RSU1: variants seen among roughly 807,000 people sequenced by gnomAD.
The protein encoded by RSU1 is Ras suppressor protein 1, also known as rsu-1.
In RSU1, 26 loss-of-function variants were observed where a neutral mutation model predicts 31.1. That is an observed-to-expected ratio of 0.84 (90% CI 0.61 to 1.16). The LOEUF (loss-of-function observed/expected upper bound fraction) is 1.16. Among genes scored for constraint, RSU1 ranks in the 50% most tolerant of loss-of-function variants. The pLI is 0.00. For missense variants in RSU1, 320 were observed against 339.1 expected (o/e 0.94, Z 0.44); for synonymous variants, 164 against 136.3 (o/e 1.20, Z -1.41).
intron 7 of RSU1, among the ~76,000 whole-genome samples, chr10:16,743,263 G>C (rs1836786503): frequency 6.6e-6 from 1 of 152,044 alleles, no homozygotes; most frequent in Admixed American, 6.6e-5. Context: ...CACATTGATG[G>C]GTATACCATT....
At chr10:16,737,627 A>G (rs1836654871) in intron 7 of RSU1, among the ~76,000 whole-genome samples, 1 of 152,106 alleles carries the variant, frequency 6.6e-6, no homozygotes, top group South Asian at 2.1e-4. Flanking sequence ...ATAAAGGCAA[A>G]TGATACCAGA....
intron 8 of RSU1, among the ~76,000 whole-genome samples, chr10:16,599,339 G>A (rs1833675951): frequency 6.6e-6 from 1 of 152,290 alleles, no homozygotes; most frequent in East Asian, 1.9e-4. Flanking sequence ...TCCTTCACCT[G>A]GGAAACGCCA....
intron 2 of RSU1, among the ~76,000 whole-genome samples, chr10:16,799,629 G>GA (rs58004558): frequency 0.25 from 37,220 of 151,058 alleles, 4,928 homozygotes; most frequent in African/African-American, 0.34. Flanking sequence ...GAAAAAATTA[G>GA]AAAAAAAAAT....
intron 7 of RSU1, among the ~76,000 whole-genome samples, chr10:16,712,507 T>G (rs1836041916): frequency 6.6e-6 from 1 of 152,150 alleles, no homozygotes; most frequent in Non-Finnish European, 1.5e-5. Context: ...ATTTCTTTCT[T>G]TGTGGTTACC....
chr10:16,687,525 A>G (rs1835461377), intron 8 of RSU1, among the ~76,000 whole-genome samples: 1 of 152,188 alleles, frequency 6.6e-6, no homozygotes, highest in Non-Finnish European at 1.5e-5. Context: ...GCAGAAAAAA[A>G]AATCCTTTAA....
intron 2 of RSU1, among the ~76,000 whole-genome samples, chr10:16,809,179 C>G (rs188775087): frequency 6.6e-6 from 1 of 152,160 alleles, no homozygotes; most frequent in Non-Finnish European, 1.5e-5. Context: ...AAGCATCACA[C>G]GCTGATGGAA....
chr10:16,610,845 T>C (rs1477665128), intron 8 of RSU1, among the ~76,000 whole-genome samples: 1 of 152,180 alleles, frequency 6.6e-6, no homozygotes, highest in African/African-American at 2.4e-5. Context: ...GGCTGGAAAC[T>C]GCTGGTTTCG....
chr10:16,633,964 T>TCATTAAC (rs1834301750), intron 8 of RSU1, among the ~76,000 whole-genome samples: 2 of 152,144 alleles, frequency 1.3e-5, no homozygotes, highest in South Asian at 4.1e-4. Context: ...TTCCTAATTC[T>TCATTAAC]CATTAACCTG....
chr10:16,596,321 T>C (rs943801153), intron 8 of RSU1, among the ~76,000 whole-genome samples: 2 of 152,138 alleles, frequency 1.3e-5, no homozygotes, highest in African/African-American at 2.4e-5. Flanking sequence ...TCGGCATCTC[T>C]CCCAGACACA....
chr10:16,594,546 G>A (rs1200128005), intron 8 of RSU1, among the ~76,000 whole-genome samples: 1 of 149,860 alleles, frequency 6.7e-6, no homozygotes, highest in African/African-American at 2.5e-5. Context: ...TGAGTAGCTG[G>A]ACTACAGATA....
chr10:16,745,634 C>T (rs1836837306), intron 7 of RSU1, among the ~76,000 whole-genome samples: 2 of 152,092 alleles, frequency 1.3e-5, no homozygotes, highest in African/African-American at 4.8e-5. Flanking sequence ...CAGGAAAGAC[C>T]CGCCCCCATG....
chr10:16,641,634 G>C (rs1014482647), intron 8 of RSU1, among the ~76,000 whole-genome samples: 2 of 152,188 alleles, frequency 1.3e-5, no homozygotes, highest in African/African-American at 4.8e-5. Flanking sequence ...CTGGCTCTCT[G>C]AAACTCTCAG....
chr10:16,771,908 A>C (rs546602822), intron 3 of RSU1, among the ~76,000 whole-genome samples: 8 of 152,370 alleles, frequency 5.3e-5, no homozygotes, highest in African/African-American at 1.9e-4. Context: ...GTATCTAAGC[A>C]TCTACGCCAA....
intron 4 of RSU1, 59 bp from the exon 5 acceptor site, chr10:16,755,048 T>C: frequency 2.1e-6 from 2 of 964,458 alleles, no homozygotes; most frequent in South Asian, 2.8e-5. Context: ...ATACAGACTA[T>C]CAAGGGCACC....
At chr10:16,670,774 C>CT (rs750037127) in intron 8 of RSU1, among the ~76,000 whole-genome samples, 4 of 152,114 alleles carry the variant, frequency 2.6e-5, no homozygotes, top group East Asian at 1.9e-4. Context: ...CACAGAACCT[C>CT]TTTTTTTAAG....
At chr10:16,672,347 C>T (rs1053781623) in intron 8 of RSU1, among the ~76,000 whole-genome samples, 22 of 152,188 alleles carry the variant, frequency 1.4e-4, no homozygotes, top group African/African-American at 2.2e-4. Context: ...ATATGACCCA[C>T]GCATTCCACT....
rs572793401 is a variant in RSU1, at chr10:16,789,527, G to A, written c.110-7443C>T. On this transcript the variant is annotated intron_variant, in intron 2 of 8. Transcript: ENST00000345264. Reference sequence around the variant, plus strand: ...TACAACCAGTCACTCCTTTCCACTCGGGAATGGTGAGTTCACTGTGAGTCT... The same window carrying A: ...TACAACCAGTCACTCCTTTCCACTCAGGAATGGTGAGTTCACTGTGAGTCT... Among the ~76,000 whole-genome samples the A allele has an allele frequency of 7.9e-5, 12 of 152,286 alleles. No individual in the cohort carries two copies. In the East Asian group the frequency reaches 1.5e-3, roughly 20 times the overall value.
chr10:16,698,892 G>A (rs1024915250), intron 7 of RSU1, among the ~76,000 whole-genome samples: 1 of 152,278 alleles, frequency 6.6e-6, no homozygotes, highest in Non-Finnish European at 1.5e-5. Flanking sequence ...ACAGATGACT[G>A]GGTTACCCTC....
intron 2 of RSU1, among the ~76,000 whole-genome samples, chr10:16,799,787 A>AT (rs778629586): frequency 6.6e-6 from 1 of 152,138 alleles, no homozygotes; most frequent in East Asian, 1.9e-4. Flanking sequence ...ACTGATGGAA[A>AT]TACCCAACTC....
Sources: gnomAD v4.1 joint callset for allele counts (sites outside exome capture counted in the v4.1 genomes callset) on GRCh38, gnomAD v4.1.1 for gene constraint, MANE v1.5 for transcripts, NCBI Gene and HGNC (gene_info 2026-07-23, HGNC 2026-07-21) for gene names.